RBFOX1: variants seen among roughly 807,000 people sequenced by gnomAD.
RBFOX1 encodes RNA binding protein fox-1 homolog 1.
RBFOX1 carries 8 observed loss-of-function variants against 57.7 expected under a neutral mutation model. The ratio of observed to expected loss-of-function variants is 0.14; its 90% CI spans 0.08 to 0.25. The LOEUF (loss-of-function observed/expected upper bound fraction) is 0.25, where lower values mean the gene tolerates loss of function less well. Among genes scored for constraint, RBFOX1 ranks in the 10% least tolerant of loss-of-function variants. The pLI, the probability that RBFOX1 is intolerant of heterozygous loss-of-function variation, is 1.00. For missense variants in RBFOX1, 611 were observed against 548.5 expected (o/e 1.11, Z -1.14); for synonymous variants, 326 against 222.4 (o/e 1.47, Z -4.15).
intron 2 of RBFOX1, among the ~76,000 whole-genome samples, chr16:6,466,890 A>G (rs779010315): frequency 4.6e-5 from 7 of 152,178 alleles, no homozygotes; most frequent in Non-Finnish European, 1.0e-4. Context: ...TGTGAGAATA[A>G]GTGTTTTCTC....
At chr16:6,712,584 C>A (rs1294427876) in intron 3 of RBFOX1, among the ~76,000 whole-genome samples, 4 of 152,098 alleles carry the variant, frequency 2.6e-5, no homozygotes, top group African/African-American at 4.8e-5. Flanking sequence ...CAATGTCATC[C>A]ATGGCAAGAT....
At position 7,304,214 on chromosome 16, in the gene RBFOX1, CAGAGAGAGAGAGAG is replaced by C. The variant is rs60200317; in HGVS notation, c.28-213913_28-213900del. On this transcript the variant is annotated intron_variant, in intron 4 of 15. Coordinates refer to ENST00000550418, the MANE Select transcript of RBFOX1 (RefSeq NM_018723.4). ...AGGGGGAGAGAGACAGAGAGAGAGACAGAGAGAGAGAGAGAGAGAGAGAGAGAGAGAGACAGCGC... is the reference window on the plus strand; with the variant it reads ...AGGGGGAGAGAGACAGAGAGAGAGACAGAGAGAGAGAGAGAGAGACAGCGC... 1.5e-4 allele frequency: 136 copies of C among 922,476 alleles called. 1 individual carries two copies. The highest frequency in any genetic ancestry group is 9.4e-4 in the African/African-American group (43 of 45,614). The allele number at this position is 922,476 out of a possible 1,614,324, so 57.1% of individuals were successfully genotyped here.
At chr16:5,783,568 G>C (rs1347135253) in intron 3 of RBFOX1, among the ~76,000 whole-genome samples, 1 of 152,094 alleles carries the variant, frequency 6.6e-6, no homozygotes, top group African/African-American at 2.4e-5. Context: ...TTCTCTTCCA[G>C]CTCTGACCCA....
At chr16:6,629,015 G>C (rs1231459982) in intron 2 of RBFOX1, among the ~76,000 whole-genome samples, 1 of 152,140 alleles carries the variant, frequency 6.6e-6, no homozygotes, top group Non-Finnish European at 1.5e-5. Flanking sequence ...GGGTGACAGA[G>C]TAAGACTCCA....
intron 4 of RBFOX1, among the ~76,000 whole-genome samples, chr16:5,877,094 C>T (rs1159039197): frequency 6.6e-6 from 1 of 152,152 alleles, no homozygotes; most frequent in Non-Finnish European, 1.5e-5. Flanking sequence ...TGTGCTCCCT[C>T]CTAACAGAAT....
chr16:5,423,583 G>A (rs564591510), intron 1 of RBFOX1, among the ~76,000 whole-genome samples: 4 of 152,212 alleles, frequency 2.6e-5, no homozygotes, highest in South Asian at 4.2e-4. Context: ...CCATTGCTGC[G>A]TGTCTGTGAG....
At chr16:7,333,954 C>G (rs948753958) in intron 4 of RBFOX1, among the ~76,000 whole-genome samples, 1 of 152,150 alleles carries the variant, frequency 6.6e-6, no homozygotes, top group African/African-American at 2.4e-5. Context: ...GCAATAAATT[C>G]TGTATCTCCT....
At position 7,430,162 on chromosome 16, in the gene RBFOX1, G is replaced by A. The variant is rs1307561859; in HGVS notation, c.28-87985G>A. Among the ~76,000 whole-genome samples, 3 of 152,164 alleles carry A rather than the reference G, an allele frequency of 2.0e-5. No homozygotes were observed. In the East Asian group the frequency reaches 5.8e-4, roughly 29 times the overall value. ...ACCAAATGAGCTTATCATTAATCTA[G>A]CACATTTAAATATTTTTGGATAAAT... On this transcript the variant is annotated intron_variant, in intron 4 of 15. Coordinates refer to ENST00000550418, the MANE Select transcript of RBFOX1 (RefSeq NM_018723.4).
At chr16:5,739,161 C>T (rs1369132976) in intron 3 of RBFOX1, among the ~76,000 whole-genome samples, 1 of 152,272 alleles carries the variant, frequency 6.6e-6, no homozygotes, top group South Asian at 2.1e-4. Flanking sequence ...GGAACTGTGC[C>T]CCTTTTGCAC....
chr16:6,841,496 C>T (rs927323981), intron 3 of RBFOX1, among the ~76,000 whole-genome samples: 5 of 152,034 alleles, frequency 3.3e-5, no homozygotes, highest in Admixed American at 2.0e-4. Flanking sequence ...GTCATTAATG[C>T]GGTAGATCTG....
intron 4 of RBFOX1, among the ~76,000 whole-genome samples, chr16:5,920,302 A>C (rs1293679132): frequency 6.6e-6 from 1 of 152,004 alleles, no homozygotes; most frequent in East Asian, 1.9e-4. Flanking sequence ...TTTATTGTAC[A>C]TTACCCATAT....
intron 1 of RBFOX1, among the ~76,000 whole-genome samples, chr16:5,324,388 A>AGGAGGCAGAGGTTGCAG (rs2064502080): frequency 6.6e-6 from 1 of 152,136 alleles, no homozygotes; most frequent in Admixed American, 6.5e-5. Flanking sequence ...ACTTGAACCC[A>AGGAGGCAGAGGTTGCAG]GGAGGCAGAG....
chr16:6,283,186 G>A (rs2152703536), intron 1 of RBFOX1, among the ~76,000 whole-genome samples: 1 of 152,182 alleles, frequency 6.6e-6, no homozygotes, highest in South Asian at 2.1e-4. Context: ...AATTAGTTGG[G>A]CTTGGTGACT....
chr16:5,789,835 C>A (rs1013815179), intron 3 of RBFOX1, among the ~76,000 whole-genome samples: 1 of 152,184 alleles, frequency 6.6e-6, no homozygotes, highest in African/African-American at 2.4e-5. Context: ...CCTGAATTCA[C>A]CATACACCAT....
At chr16:6,105,108 T>C (rs971351858) in intron 1 of RBFOX1, among the ~76,000 whole-genome samples, 19 of 152,190 alleles carry the variant, frequency 1.2e-4, no homozygotes, top group African/African-American at 4.3e-4. Context: ...CAGAGCCATA[T>C]TAAAAAGGAA....
chr16:7,678,658 C>G (rs781014907), intron 14 of RBFOX1, among the ~76,000 whole-genome samples: 17 of 152,068 alleles, frequency 1.1e-4, no homozygotes, highest in Non-Finnish European at 2.1e-4. Flanking sequence ...TTTAAATGGA[C>G]TCCTTCAATA....
intron 2 of RBFOX1, among the ~76,000 whole-genome samples, chr16:5,549,495 A>G (rs1368836526): frequency 6.6e-6 from 1 of 152,206 alleles, no homozygotes; most frequent in Non-Finnish European, 1.5e-5. Flanking sequence ...CATAGCGAGT[A>G]AGATATTTAG....
intron 2 of RBFOX1, among the ~76,000 whole-genome samples, chr16:6,369,313 T>C (rs556698696): frequency 6.6e-6 from 1 of 152,314 alleles, no homozygotes; most frequent in African/African-American, 2.4e-5. Context: ...TCCTTAGATG[T>C]ATTCTGCTGA....
rs184067858 is a variant in RBFOX1 at position 5,841,819 on chromosome 16, G to A, written c.319-25484G>A. 2.3e-3 allele frequency among the ~76,000 whole-genome samples: 351 copies of A among 152,306 alleles called. 8 individuals are homozygous for A. Among genetic ancestry groups the A allele is most frequent in the Admixed American group, 0.022 (335 of 15,304 alleles). ...ATCGAGGACTTCCTTTCTACTCGCA[G>A]ACTAAAAGAATCAGAAATAGATGTG... On this transcript the variant is annotated intron_variant, in intron 3 of 19. Coordinates refer to the RBFOX1 transcript ENST00000641259.
Sources: allele counts gnomAD v4.1 joint callset (sites outside exome capture counted in the v4.1 genomes callset), GRCh38; gene constraint gnomAD v4.1.1; transcripts MANE v1.5; gene names NCBI Gene and HGNC (gene_info 2026-07-23, HGNC 2026-07-21).